ESRRB: variants seen among roughly 807,000 people sequenced by gnomAD.
ESRRB encodes steroid hormone receptor ERR2.
ESRRB carries 16 observed loss-of-function variants against 46.0 expected under a neutral mutation model. The ratio of observed to expected loss-of-function variants is 0.35; its 90% CI spans 0.24 to 0.53. ESRRB has a LOEUF of 0.53. Ranked by LOEUF, ESRRB falls within the 20% of genes least tolerant of loss-of-function variation. The pLI is 0.93. For synonymous variants in ESRRB, 246 were observed against 259.6 expected (o/e 0.95, Z 0.50); for missense variants, 488 against 607.4 (o/e 0.80, Z 2.07).
intron 1 of ESRRB, among the ~76,000 whole-genome samples, chr14:76,381,282 A>G (rs1885004305): frequency 6.6e-6 from 1 of 152,006 alleles, no homozygotes; most frequent in African/African-American, 2.4e-5. Context: ...ACTTCTCTGC[A>G]CTTCACGGTG....
intron 2 of ESRRB, among the ~76,000 whole-genome samples, chr14:76,450,198 T>C (rs1167574887): frequency 6.6e-6 from 1 of 151,996 alleles, no homozygotes; most frequent in African/African-American, 2.4e-5. Context: ...ATAAGGTGAC[T>C]TTTAAAGGAA....
intron 1 of ESRRB, among the ~76,000 whole-genome samples, chr14:76,424,577 TGGA>T (rs1480044097): frequency 1.3e-5 from 2 of 152,070 alleles, no homozygotes; most frequent in Admixed American, 6.6e-5. Context: ...GTGATCAGAG[TGGA>T]GGTCAGCAAC....
intron 1 of ESRRB, among the ~76,000 whole-genome samples, chr14:76,360,794 G>A (rs1226718957): frequency 1.3e-5 from 2 of 152,158 alleles, no homozygotes; most frequent in South Asian, 2.1e-4. Context: ...AGATAAAGAG[G>A]CCTGTTGCTC....
intron 1 of ESRRB, among the ~76,000 whole-genome samples, chr14:76,333,606 G>A (rs1884090729): frequency 6.7e-6 from 1 of 149,268 alleles, no homozygotes; most frequent in South Asian, 2.1e-4. Context: ...GGGATTACAG[G>A]CATGAGCCAC....
chr14:76,469,945 T>TTTC (rs1889308959), intron 3 of ESRRB, among the ~76,000 whole-genome samples: 2 of 111,202 alleles, frequency 1.8e-5, no homozygotes, highest in African/African-American at 8.2e-5. Context: ...TTTTTTTTTC[T>TTTC]TTTTTTTTTT....
At chr14:76,420,585 GTGTGTGTGTT>G (rs1380349609) in intron 1 of ESRRB, among the ~76,000 whole-genome samples, 155 of 151,354 alleles carry the variant, frequency 1.0e-3, no homozygotes, top group Admixed American at 1.7e-3. Flanking sequence ...GTGTGTGTGT[GTGTGTGTGTT>G]TGTGTATGAG....
In ESRRB at chr14:76,330,633, G is replaced by A. The variant is rs117315060; in HGVS notation, c.2+19717G>A. 1.7e-3 allele frequency among the ~76,000 whole-genome samples: 255 copies of A among 152,300 alleles called. 4 individuals carry two copies. In the East Asian group the frequency reaches 0.031, roughly 18 times the overall value. On this transcript the variant is annotated intron_variant, in intron 1 of 6. Coordinates refer to the ESRRB transcript ENST00000512784. ...ATCGAGGAAGGGAGGATCGAGGATC[G>A]TGGTGGCTGGGTCGCCAGGGGGCTT...
intron 1 of ESRRB, among the ~76,000 whole-genome samples, chr14:76,428,837 G>T (rs938520100): frequency 6.6e-6 from 1 of 152,200 alleles, no homozygotes; most frequent in Non-Finnish European, 1.5e-5. Context: ...GCCGTAATTT[G>T]TGCGGAATGA....
At chr14:76,405,195 C>CGGCTGA (rs1886127388) in intron 1 of ESRRB, among the ~76,000 whole-genome samples, 1 of 152,026 alleles carries the variant, frequency 6.6e-6, no homozygotes, top group Non-Finnish European at 1.5e-5. Flanking sequence ...TGAAACTCCT[C>CGGCTGA]GGCTGAGGCA....
At chr14:76,443,774 T>A (rs997141265) in intron 2 of ESRRB, among the ~76,000 whole-genome samples, 1 of 152,208 alleles carries the variant, frequency 6.6e-6, no homozygotes, top group Non-Finnish European at 1.5e-5. Flanking sequence ...TGTCTGCGAA[T>A]GTTCTCAGCA....
intron 1 of ESRRB, among the ~76,000 whole-genome samples, chr14:76,312,814 T>C (rs889345340): frequency 2.0e-5 from 3 of 152,208 alleles, no homozygotes; most frequent in East Asian, 1.9e-4. Flanking sequence ...AAGATTGCTA[T>C]TGGCAAAGCT....
At chr14:76,445,466 CA>C (rs747627410) in intron 2 of ESRRB, among the ~76,000 whole-genome samples, 1,897 of 79,788 alleles carry the variant, frequency 0.024, 10 homozygotes, top group Admixed American at 0.034. Context: ...AACTCCGTCT[CA>C]AAAAAAAAAA....
chr14:76,435,954 GA>G (rs1887655821), intron 1 of ESRRB, among the ~76,000 whole-genome samples: 1 of 152,232 alleles, frequency 6.6e-6, no homozygotes, highest in Admixed American at 6.5e-5. Flanking sequence ...TACCAACCCT[GA>G]TAGTTAATAA....
chr14:76,431,992 T>C (rs949326272), intron 1 of ESRRB, among the ~76,000 whole-genome samples: 6 of 152,202 alleles, frequency 3.9e-5, no homozygotes, highest in Non-Finnish European at 8.8e-5. Flanking sequence ...ACCTTCCAGC[T>C]TTCTTGCTTC....
At chr14:76,445,418 A>ATC (rs1409278175) in intron 2 of ESRRB, among the ~76,000 whole-genome samples, 1 of 144,108 alleles carries the variant, frequency 6.9e-6, no homozygotes, top group East Asian at 2.2e-4. Context: ...TTGCAGTGAG[A>ATC]TCTTGCCATT....
At chr14:76,359,672 G>C (rs1378448085) in intron 1 of ESRRB, among the ~76,000 whole-genome samples, 1 of 152,154 alleles carries the variant, frequency 6.6e-6, no homozygotes, top group Non-Finnish European at 1.5e-5. Flanking sequence ...CTGAGGAAGT[G>C]GCCCACAGGG....
At position 76,351,820 on chromosome 14, in the gene ESRRB, G is replaced by A. The variant is rs78648636; in HGVS notation, c.2+40904G>A. 2.0e-5 allele frequency among the ~76,000 whole-genome samples: 3 copies of A among 151,928 alleles called. No individual in the cohort carries two copies. In the East Asian group the frequency reaches 5.8e-4, roughly 29 times the overall value. ...TGTCAGTGGGGGACTCTCTATAGCT[G>A]ATGAAGAGTATAAACTTCACTGGGT... On this transcript the variant is annotated intron_variant, in intron 1 of 6. Coordinates refer to the ESRRB transcript ENST00000512784.
At chr14:76,382,852 AT>A (rs1885070463) in intron 1 of ESRRB, among the ~76,000 whole-genome samples, 2 of 152,148 alleles carry the variant, frequency 1.3e-5, no homozygotes, top group Admixed American at 1.3e-4. Flanking sequence ...TAAAAAAAAA[AT>A]GTCTTTCCTT....
intron 1 of ESRRB, among the ~76,000 whole-genome samples, chr14:76,414,369 G>T (rs1172525478): frequency 6.6e-6 from 1 of 150,484 alleles, no homozygotes; most frequent in African/African-American, 2.5e-5. Context: ...GACCCCTTAG[G>T]GTTGCTGTGA....
Sources: allele counts gnomAD v4.1 joint callset (sites outside exome capture counted in the v4.1 genomes callset), GRCh38; gene constraint gnomAD v4.1.1; transcripts MANE v1.5; gene names NCBI Gene and HGNC (gene_info 2026-07-23, HGNC 2026-07-21).